Variants in NRXN3 observed in about 807,000 individuals in gnomAD.
NRXN3 encodes the protein neurexin III.
A neutral mutation model predicts 137.6 loss-of-function variants in NRXN3; 32 were observed. The observed-to-expected ratio is 0.23, with a 90% confidence interval of 0.18 to 0.31. NRXN3 has a LOEUF of 0.31. Among genes scored for constraint, NRXN3 ranks in the 10% least tolerant of loss-of-function variants. The pLI is 1.00. For synonymous variants in NRXN3, 798 were observed against 784.5 expected (o/e 1.02, Z -0.29); for missense variants, 1,574 against 2,062.5 (o/e 0.76, Z 4.59).
At chr14:79,769,295 A>G (rs559034647) in intron 19 of NRXN3, among the ~76,000 whole-genome samples, 1 of 151,098 alleles carries the variant, frequency 6.6e-6, no homozygotes, top group Non-Finnish European at 1.5e-5. Context: ...ACTCCTCGAG[A>G]AGAGCAACTC....
intron 15 of NRXN3, among the ~76,000 whole-genome samples, chr14:79,284,360 A>G (rs558221346): frequency 1.6e-5 from 2 of 122,022 alleles, no homozygotes; most frequent in Non-Finnish European, 3.4e-5. Flanking sequence ...ATATATATAT[A>G]TATATATATA....
intron 10 of NRXN3, among the ~76,000 whole-genome samples, chr14:78,843,798 A>C (rs1420714153): frequency 6.6e-6 from 1 of 152,160 alleles, no homozygotes; most frequent in Non-Finnish European, 1.5e-5. Flanking sequence ...ATTCATATAT[A>C]GGCTGAAGGA....
At chr14:78,798,882 G>C (rs115542845) in intron 8 of NRXN3, among the ~76,000 whole-genome samples, 1 of 152,202 alleles carries the variant, frequency 6.6e-6, no homozygotes, top group African/African-American at 2.4e-5. Context: ...TAGCCATAGC[G>C]TGAGTGGTTG....
At chr14:78,648,649 A>G (rs1461256680) in intron 5 of NRXN3, among the ~76,000 whole-genome samples, 1 of 152,232 alleles carries the variant, frequency 6.6e-6, no homozygotes. Context: ...AGAGTACACT[A>G]CATAAGGCAG....
intron 15 of NRXN3, among the ~76,000 whole-genome samples, chr14:78,992,162 G>A (rs1411080399): frequency 6.6e-6 from 1 of 152,190 alleles, no homozygotes; most frequent in Non-Finnish European, 1.5e-5. Flanking sequence ...AAGTCATGGG[G>A]AGTTTCTTTT....
At chr14:78,523,270 A>G (rs1472771410) in intron 4 of NRXN3, among the ~76,000 whole-genome samples, 1 of 152,204 alleles carries the variant, frequency 6.6e-6, no homozygotes, top group Non-Finnish European at 1.5e-5. Context: ...CCCTTGATTG[A>G]GACATCTCCC....
At chr14:78,797,148 TGA>T (rs1567338089) in intron 8 of NRXN3, among the ~76,000 whole-genome samples, 1 of 152,312 alleles carries the variant, frequency 6.6e-6, no homozygotes, top group East Asian at 1.9e-4. Flanking sequence ...GGAACCTTTC[TGA>T]GGGGGGAGAC....
intron 16 of NRXN3, among the ~76,000 whole-genome samples, chr14:79,630,729 TGCGTGAAA>T (rs2098336102): frequency 6.6e-6 from 1 of 152,206 alleles, no homozygotes; most frequent in Admixed American, 6.5e-5. Flanking sequence ...CAGGCCATTT[TGCGTGAAA>T]ATAGTCCTTC....
At chr14:79,131,073 T>C (rs1291354535) in intron 15 of NRXN3, among the ~76,000 whole-genome samples, 2 of 152,178 alleles carry the variant, frequency 1.3e-5, no homozygotes, top group African/African-American at 4.8e-5. Context: ...TCTAGTTATA[T>C]ATTCTTCTAA....
At chr14:78,766,227 A>T (rs2098708615) in intron 8 of NRXN3, among the ~76,000 whole-genome samples, 1 of 152,212 alleles carries the variant, frequency 6.6e-6, no homozygotes, top group African/African-American at 2.4e-5. Context: ...TAGCTTCTTA[A>T]AAAGAAAAAT....
intron 14 of NRXN3, among the ~76,000 whole-genome samples, chr14:78,971,353 A>G (rs1318336473): frequency 6.6e-6 from 1 of 152,102 alleles, no homozygotes; most frequent in Non-Finnish European, 1.5e-5. Context: ...ATGAGGTTTT[A>G]TAACTAAGAA....
At chr14:78,757,570 G>A (rs868813784) in intron 8 of NRXN3, among the ~76,000 whole-genome samples, 2 of 152,110 alleles carry the variant, frequency 1.3e-5, no homozygotes, top group South Asian at 4.2e-4. Flanking sequence ...GGAAAGGCAT[G>A]GTGTATCTGT....
At position 78,755,412 on chromosome 14, in the gene NRXN3, CTT is replaced by C. The variant is rs1208595394; in HGVS notation, c.2044+40274_2044+40275del. 3.9e-5 allele frequency among the ~76,000 whole-genome samples: 6 copies of C among 152,200 alleles called. No homozygotes were observed. The East Asian group carries it at 1.2e-3, about 29-fold the overall frequency. Reference sequence around the variant, plus strand: ...GAGACTGAGTTGTTGTTGATTCTCTCTTGATACCCTTACTTGCTATTCAGTAC... The same window carrying C: ...GAGACTGAGTTGTTGTTGATTCTCTCGATACCCTTACTTGCTATTCAGTAC... On this transcript the variant is annotated intron_variant, in intron 8 of 20. Transcript: ENST00000335750.
intron 18 of NRXN3, among the ~76,000 whole-genome samples, chr14:79,696,750 G>C (rs913643933): frequency 1.3e-5 from 2 of 151,914 alleles, no homozygotes; most frequent in African/African-American, 4.8e-5. Flanking sequence ...GAAATAAAGT[G>C]AACTATTGAT....
At chr14:78,381,636 C>T (rs988412417) in intron 4 of NRXN3, among the ~76,000 whole-genome samples, 1 of 152,134 alleles carries the variant, frequency 6.6e-6, no homozygotes, top group Non-Finnish European at 1.5e-5. Context: ...ACAAGAATGT[C>T]TATAGGAGAT....
chr14:79,767,311 G>T (rs939965946), intron 19 of NRXN3, among the ~76,000 whole-genome samples: 2 of 152,270 alleles, frequency 1.3e-5, no homozygotes, highest in East Asian at 3.9e-4. Context: ...AAGGGCTTTT[G>T]CATGTGCTGT....
At chr14:79,631,739 G>C (rs1311208935) in intron 16 of NRXN3, among the ~76,000 whole-genome samples, 1 of 151,696 alleles carries the variant, frequency 6.6e-6, no homozygotes. Flanking sequence ...TCTAGCTAAA[G>C]GTTTGTAAAC....
Position 78,456,861 on chromosome 14 carries a change from CT to C in NRXN3, c.757+159004del, listed in dbSNP as rs1342242705. Among the ~76,000 whole-genome samples the C allele has an allele frequency of 7.7e-5, 8 of 103,414 alleles. 1 individual carries two copies. Among genetic ancestry groups the C allele is most frequent in the Admixed American group, 3.2e-4 (3 of 9,402 alleles). The allele number at this position is 103,414 out of a possible 152,430, so 67.8% of individuals were successfully genotyped here. A position where few individuals can be genotyped will look rare whatever the true frequency, so the allele number is the denominator to read the frequency against. Reference sequence around the variant, plus strand: ...TCTTTCTTTCTTTCTTTCTTTTTCTCTTTCTTTCTTTCTTTCTTTCCTTCTT... The same window carrying C: ...TCTTTCTTTCTTTCTTTCTTTTTCTCTTCTTTCTTTCTTTCTTTCCTTCTT... On this transcript the variant is annotated intron_variant, in intron 4 of 20. Transcript: ENST00000335750.
intron 14 of NRXN3, among the ~76,000 whole-genome samples, chr14:78,986,221 C>T (rs943453689): frequency 6.6e-6 from 1 of 151,960 alleles, no homozygotes; most frequent in Admixed American, 6.6e-5. Flanking sequence ...TATGTTTTAC[C>T]CTGTCAAGTG....
Sources: allele counts gnomAD v4.1 joint callset (sites outside exome capture counted in the v4.1 genomes callset), GRCh38; gene constraint gnomAD v4.1.1; transcripts MANE v1.5; gene names NCBI Gene and HGNC (gene_info 2026-07-23, HGNC 2026-07-21).